The following PCDHGA10 variants were observed in gnomAD, a reference collection of about 807,000 sequenced individuals.
The protein encoded by PCDHGA10 is protocadherin gamma-A10.
PCDHGA10 carries 42 observed loss-of-function variants against 59.5 expected under a neutral mutation model. The observed-to-expected ratio is 0.71, with a 90% CI of 0.55 to 0.91. The LOEUF (loss-of-function observed/expected upper bound fraction) is 0.91, where lower values mean the gene tolerates loss of function less well. Ranked by LOEUF, PCDHGA10 falls within the 40% of genes least tolerant of loss-of-function variation. The probability of loss-of-function intolerance (pLI) is 0.00; values close to 1 mark genes in which losing one functional copy is unlikely to be tolerated. For missense variants in PCDHGA10, 1,111 were observed against 1,198.2 expected (o/e 0.93, Z 1.07); for synonymous variants, 511 against 517.2 (o/e 0.99, Z 0.16).
rs2097461148 is a variant in PCDHGA10 at position 141,432,174 on chromosome 5, T to C, written c.2436+16563T>C. ...AACAATCCCAGAGGAGTTTCCCTCGTCTCTGTGACCGCCCACGACCCCGAC... is the reference window on the plus strand; with the variant it reads ...AACAATCCCAGAGGAGTTTCCCTCGCCTCTGTGACCGCCCACGACCCCGAC... On this transcript the variant is annotated intron_variant, in intron 1 of 3. Transcript: ENST00000398610. The surrounding 1 kb of genome is among the most constrained non-coding windows in gnomAD (Gnocchi z 6.0). 1 of 1,614,088 alleles carries C rather than the reference T, an allele frequency of 6.2e-7. No homozygotes were observed. Among genetic ancestry groups the C allele is most frequent in the Non-Finnish European group, 8.5e-7 (1 of 1,180,022 alleles).
intron 1 of PCDHGA10, chr5:141,422,736 C>T (rs1408210168): frequency 9.9e-6 from 16 of 1,608,328 alleles, no homozygotes; most frequent in Non-Finnish European, 1.2e-5. Context: ...TGCCTCTGTC[C>T]TCCTATGTCT....
At chr5:141,423,754 GGGGGGGT>G in intron 1 of PCDHGA10, 1 of 577,826 alleles carries the variant, frequency 1.7e-6, no homozygotes, top group Non-Finnish European at 2.2e-6. Flanking sequence ...ACTGTTTGGG[GGGGGGGT>G]GGGGCGGCAT....
chr5:141,478,394 G>A, intron 1 of PCDHGA10: 1 of 1,613,586 alleles, frequency 6.2e-7, no homozygotes, highest in Non-Finnish European at 8.5e-7. Context: ...TTACCATCAG[G>A]TGTATCTCAC....
rs777314784 is a variant in PCDHGA10, at chr5:141,432,669, C to A, written c.2436+17058C>A. On this transcript the variant is annotated intron_variant, in intron 1 of 3. Transcript: ENST00000398610. The surrounding 1 kb of genome is among the most constrained non-coding windows in gnomAD (Gnocchi z 6.0). ...GCGCGAGCCCTGCTGGACAGAGACG[C>A]GCTCAAGCAGAGCCTCGTAGTGGCC... 1 of 1,613,894 alleles carries A rather than the reference C, an allele frequency of 6.2e-7. No homozygotes were observed. Among genetic ancestry groups the A allele is most frequent in the Non-Finnish European group, 8.5e-7 (1 of 1,179,950 alleles).
intron 1 of PCDHGA10, among the ~76,000 whole-genome samples, chr5:141,435,760 T>TTGGTGAATTC (rs2097778609): frequency 1.3e-5 from 2 of 152,172 alleles, no homozygotes; most frequent in African/African-American, 4.8e-5. Context: ...TTGATTTCTT[T>TTGGTGAATTC]TGGTGAATTC....
Position 141,475,143 on chromosome 5 carries a change from T to TC in PCDHGA10, c.2437-19662dup, listed in dbSNP as rs372338581. On this transcript the variant is annotated intron_variant, in intron 1 of 3. Transcript: ENST00000398610. ...GGCTTTTTTTCTTTTTGAAATCTTC[T>TC]CCGTCTTCTTCTTCATTAGCAGTGC... Among the ~76,000 whole-genome samples the TC allele has an allele frequency of 4.9e-3, 751 of 152,356 alleles. 5 individuals carry two copies. Among genetic ancestry groups the TC allele is most frequent in the Non-Finnish European group, 6.5e-3 (439 of 68,034 alleles).
chr5:141,418,663 C>T, intron 1 of PCDHGA10: 1 of 1,613,960 alleles, frequency 6.2e-7, no homozygotes, highest in South Asian at 1.1e-5. Flanking sequence ...AGGCCACTGA[C>T]CAGGACGAGG....
In PCDHGA10 at chr5:141,487,439, T is replaced by C. The variant is rs201458212; in HGVS notation, c.2437-7368T>C. 1 of 1,613,926 alleles carries C rather than the reference T, an allele frequency of 6.2e-7. No individual in the cohort carries two copies. Among genetic ancestry groups the C allele is most frequent in the South Asian group, 1.1e-5 (1 of 91,066 alleles). ...TGGGATCCTCCGAATCCAGCTAGGG[T>C]CAGATGACCCTATCAAGTTTGTTGA... is the stretch of plus-strand genomic sequence containing the variant. On this transcript the variant is annotated intron_variant, in intron 1 of 3. Transcript: ENST00000398610. This position sits in a 1 kb window ranked among gnomAD's most constrained non-coding sequence, Gnocchi z 5.0.
At chr5:141,503,598 C>CAAA (rs765754054) in intron 2 of PCDHGA10, among the ~76,000 whole-genome samples, 1 of 65,748 alleles carries the variant, frequency 1.5e-5, no homozygotes. Context: ...GACTCCAGCT[C>CAAA]AAAAAAAAAA....
At chr5:141,499,648 CAT>C (rs1434824310) in intron 2 of PCDHGA10, among the ~76,000 whole-genome samples, 2 of 148,784 alleles carry the variant, frequency 1.3e-5, no homozygotes, top group Admixed American at 6.7e-5. Flanking sequence ...TCTCAGACAT[CAT>C]ATAATTTCAT....
chr5:141,433,352 T>C (rs976015031), intron 1 of PCDHGA10: 16 of 614,162 alleles, frequency 2.6e-5, no homozygotes, highest in Non-Finnish European at 3.7e-5. Flanking sequence ...AGCCACCTAC[T>C]GTCTGCCTAT....
At chr5:141,478,305 C>G in intron 1 of PCDHGA10, 1 of 1,614,092 alleles carries the variant, frequency 6.2e-7, no homozygotes, top group Non-Finnish European at 8.5e-7. Context: ...TACCGAGCCC[C>G]GGTGAGCTCA....
chr5:141,426,166 G>A (rs545570121), intron 1 of PCDHGA10: 4 of 155,070 alleles, frequency 2.6e-5, no homozygotes, highest in South Asian at 2.0e-4. Context: ...GATTCCATAC[G>A]GATTGGGGTG....
rs750915907 is a variant in PCDHGA10 at position 141,413,462 on chromosome 5, G to A, written c.287G>A (p.Arg96Gln). ...GSLITAGRID[R>Q]EELCAQSARC... is the part of the protein sequence containing the mutation. The stretch of plus-strand genomic sequence containing the variant: ...TTGATCACCGCGGGCAGGATAGACC[G>A]GGAGGAGCTCTGCGCTCAGAGCGCG... Residue 96 changes from arginine (R) to glutamine (Q), a missense_variant, in exon 1 of 4, where the codon CGG becomes CAG. Coordinates refer to ENST00000398610, the MANE Select transcript of PCDHGA10 (RefSeq NM_018913.3). 2.5e-6 allele frequency: 4 copies of A among 1,614,120 alleles called. No homozygotes were observed. The highest frequency in any genetic ancestry group is 2.2e-5 in the East Asian group (1 of 44,882).
At chr5:141,451,036 G>T (rs973806381) in intron 1 of PCDHGA10, among the ~76,000 whole-genome samples, 1 of 150,880 alleles carries the variant, frequency 6.6e-6, no homozygotes, top group Non-Finnish European at 1.5e-5. Flanking sequence ...CACCATATTG[G>T]CCAGGCTGGT....
In PCDHGA10 at chr5:141,486,217, T is replaced by C; in HGVS notation, c.2437-8590T>C. ...TGCTGGACGTAAATGACAATGCCCC[T>C]TACATCACAGTGACCTCAGAGCTTG... On this transcript the variant is annotated intron_variant, in intron 1 of 3. Coordinates refer to ENST00000398610, the MANE Select transcript of PCDHGA10 (RefSeq NM_018913.3). The surrounding 1 kb of genome is among the most constrained non-coding windows in gnomAD (Gnocchi z 5.0). The C allele has an allele frequency of 6.2e-7, 1 of 1,614,120 alleles. No homozygotes were observed.
intron 1 of PCDHGA10, among the ~76,000 whole-genome samples, chr5:141,469,134 G>T (rs2099192163): frequency 6.6e-6 from 1 of 151,944 alleles, no homozygotes; most frequent in Non-Finnish European, 1.5e-5. Context: ...AAATTAGCCA[G>T]AAATGGTGGC....
At chr5:141,435,390 C>T (rs2097760754) in intron 1 of PCDHGA10, among the ~76,000 whole-genome samples, 1 of 152,052 alleles carries the variant, frequency 6.6e-6, no homozygotes, top group Non-Finnish European at 1.5e-5. Flanking sequence ...ACCGTATTGC[C>T]ATGACGAAAA....
intron 1 of PCDHGA10, chr5:141,421,422 C>T (rs908483513): frequency 6.2e-7 from 1 of 1,614,086 alleles, no homozygotes; most frequent in Non-Finnish European, 8.5e-7. Flanking sequence ...AGCGCGGAGT[C>T]CGCATCGTCT....
Sources: allele counts gnomAD v4.1 joint callset (sites outside exome capture counted in the v4.1 genomes callset), GRCh38; gene constraint gnomAD v4.1.1; non-coding constraint Gnocchi (gnomAD v3.1); transcripts MANE v1.5; gene names NCBI Gene and HGNC (gene_info 2026-07-23, HGNC 2026-07-21).